The following GOLM2 variants were observed in gnomAD, a reference collection of about 807,000 sequenced individuals.
The protein encoded by GOLM2 is golgi membrane protein 2, also known as protein GOLM2.
GOLM2 carries 26 observed loss-of-function variants against 55.9 expected under a neutral mutation model. That is an observed-to-expected ratio of 0.47 (90% CI 0.34 to 0.65). The LOEUF is 0.65. Ranked by LOEUF, GOLM2 falls within the 30% of genes least tolerant of loss-of-function variation. The probability of loss-of-function intolerance (pLI) is 0.01; values close to 1 mark genes in which losing one functional copy is unlikely to be tolerated. For missense variants in GOLM2, 486 were observed against 531.8 expected (o/e 0.91, Z 0.85); for synonymous variants, 165 against 194.6 (o/e 0.85, Z 1.27).
intron 4 of GOLM2, among the ~76,000 whole-genome samples, chr15:44,336,729 A>T (rs746425051): frequency 7.2e-5 from 11 of 151,854 alleles, no homozygotes; most frequent in Non-Finnish European, 1.6e-4. Flanking sequence ...ATCCTGGCTA[A>T]CACAGTGAAA....
chr15:44,373,306 A>T (rs1447457749), intron 6 of GOLM2, among the ~76,000 whole-genome samples: 1 of 151,624 alleles, frequency 6.6e-6, no homozygotes, highest in African/African-American at 2.4e-5. Flanking sequence ...AAATACAAAA[A>T]ATTAGCCGGG....
chr15:44,345,058 G>A (rs2079114750), intron 6 of GOLM2, among the ~76,000 whole-genome samples: 1 of 151,442 alleles, frequency 6.6e-6, no homozygotes, highest in African/African-American at 2.4e-5. Flanking sequence ...TGATCCGCCT[G>A]CCTCGGCCTC....
At chr15:44,304,073 A>G (rs558389874) in intron 1 of GOLM2, among the ~76,000 whole-genome samples, 35 of 151,296 alleles carry the variant, frequency 2.3e-4, no homozygotes, top group African/African-American at 8.3e-4. Flanking sequence ...TGGTCTTGCT[A>G]TGTTCCCCAG....
chr15:44,373,846 A>G (rs1393410123), intron 6 of GOLM2, among the ~76,000 whole-genome samples: 1 of 152,076 alleles, frequency 6.6e-6, no homozygotes, highest in Non-Finnish European at 1.5e-5. Context: ...CACACCTATA[A>G]TCCCAGCACT....
intron 6 of GOLM2, among the ~76,000 whole-genome samples, chr15:44,352,067 C>A (rs1567032937): frequency 6.6e-6 from 1 of 152,054 alleles, no homozygotes; most frequent in African/African-American, 2.4e-5. Flanking sequence ...ATGGAAAAAA[C>A]AATCCTAAAA....
intron 6 of GOLM2, among the ~76,000 whole-genome samples, chr15:44,366,236 G>T (rs2079283444): frequency 6.7e-6 from 1 of 149,828 alleles, no homozygotes; most frequent in Non-Finnish European, 1.5e-5. Flanking sequence ...GGCGGAGCTT[G>T]CAGTGAGCAG....
intron 6 of GOLM2, among the ~76,000 whole-genome samples, chr15:44,372,958 G>T (rs1225805863): frequency 6.6e-6 from 1 of 152,022 alleles, no homozygotes. Flanking sequence ...CCTCAAAAAT[G>T]CCTCCCCTGA....
At chr15:44,393,513 T>C (rs190536989) in intron 8 of GOLM2, among the ~76,000 whole-genome samples, 1 of 152,294 alleles carries the variant, frequency 6.6e-6, no homozygotes. Context: ...AAAATGTGTA[T>C]GGAAACTGCA....
chr15:44,386,413 T>C (rs951195104), intron 8 of GOLM2, among the ~76,000 whole-genome samples: 3 of 152,242 alleles, frequency 2.0e-5, no homozygotes, highest in Non-Finnish European at 4.4e-5. Flanking sequence ...TATGCCAGTA[T>C]CATACTGTTT....
intron 3 of GOLM2, among the ~76,000 whole-genome samples, chr15:44,329,706 C>T (rs2079008863): frequency 6.6e-6 from 1 of 151,838 alleles, no homozygotes; most frequent in Admixed American, 6.6e-5. Context: ...AAAGACCAGC[C>T]TAGGCAACAT....
intron 8 of GOLM2, among the ~76,000 whole-genome samples, chr15:44,385,088 T>A (rs1331166887): frequency 3.9e-5 from 6 of 152,200 alleles, no homozygotes; most frequent in African/African-American, 1.4e-4. Flanking sequence ...TCTGTTGATG[T>A]ATATATGGGT....
chr15:44,360,712 A>G (rs1457030270), intron 6 of GOLM2, among the ~76,000 whole-genome samples: 1 of 152,146 alleles, frequency 6.6e-6, no homozygotes, highest in Non-Finnish European at 1.5e-5. Context: ...CCTAATAGAC[A>G]TCTACAGAAC....
chr15:44,301,455 A>G (rs2078796689), intron 1 of GOLM2, among the ~76,000 whole-genome samples: 2 of 152,120 alleles, frequency 1.3e-5, no homozygotes, highest in Admixed American at 1.3e-4. Context: ...TCAAGTTTCT[A>G]TTTTGGATCA....
intron 6 of GOLM2, among the ~76,000 whole-genome samples, chr15:44,344,253 T>A (rs1381032900): frequency 6.9e-6 from 1 of 144,678 alleles, no homozygotes; most frequent in Non-Finnish European, 1.5e-5. Flanking sequence ...AGCGAGACCC[T>A]GTCTCAAAAA....
intron 6 of GOLM2, among the ~76,000 whole-genome samples, chr15:44,369,090 T>C (rs1378537123): frequency 2.4e-5 from 2 of 83,660 alleles, no homozygotes; most frequent in African/African-American, 9.1e-5. Context: ...TATATATATA[T>C]ATATATATAT....
intron 1 of GOLM2, among the ~76,000 whole-genome samples, chr15:44,294,585 G>A (rs756756282): frequency 4.6e-4 from 70 of 151,750 alleles, no homozygotes; most frequent in Non-Finnish European, 7.7e-4. Context: ...ATGGTGGTGC[G>A]CACCTGTAGT....
chr15:44,404,264 G>A (rs2079583904), intron 9 of GOLM2, among the ~76,000 whole-genome samples: 1 of 152,066 alleles, frequency 6.6e-6, no homozygotes, highest in Non-Finnish European at 1.5e-5. Context: ...CTCATGACAA[G>A]CATTGTTTTT....
intron 4 of GOLM2, among the ~76,000 whole-genome samples, chr15:44,337,260 C>T (rs2079063700): frequency 6.6e-6 from 1 of 151,930 alleles, no homozygotes; most frequent in South Asian, 2.1e-4. Flanking sequence ...GTTTATTGTC[C>T]TGCCACTACT....
At chr15:44,350,536 C>T (rs1267877781) in intron 6 of GOLM2, among the ~76,000 whole-genome samples, 1 of 152,126 alleles carries the variant, frequency 6.6e-6, no homozygotes, top group Non-Finnish European at 1.5e-5. Flanking sequence ...TGAACTCTAC[C>T]AAACACTTAA....
Sources: allele counts gnomAD v4.1 joint callset (sites outside exome capture counted in the v4.1 genomes callset), GRCh38; gene constraint gnomAD v4.1.1; transcripts MANE v1.5; gene names NCBI Gene and HGNC (gene_info 2026-07-23, HGNC 2026-07-21).